Variants in GRB14 observed in about 807,000 individuals in gnomAD.
The protein encoded by GRB14 is growth factor receptor bound protein 14.
GRB14 carries 38 observed loss-of-function variants against 69.1 expected under a neutral mutation model. That is an observed-to-expected ratio of 0.55 (90% CI 0.42 to 0.72). The LOEUF (loss-of-function observed/expected upper bound fraction) is 0.72, where lower values mean the gene tolerates loss of function less well. Among genes scored for constraint, GRB14 ranks in the 30% least tolerant of loss-of-function variants. The probability of loss-of-function intolerance (pLI) is 0.00; values close to 1 mark genes in which losing one functional copy is unlikely to be tolerated. For synonymous variants in GRB14, 247 were observed against 241.3 expected (o/e 1.02, Z -0.22); for missense variants, 666 against 666.1 (o/e 1.00, Z 0.00).
intron 2 of GRB14, among the ~76,000 whole-genome samples, chr2:164,602,205 G>A (rs1689933221): frequency 6.6e-6 from 1 of 151,268 alleles, no homozygotes; most frequent in African/African-American, 2.4e-5. Flanking sequence ...GGGAGGGGAG[G>A]GGAAGGGAGA....
chr2:164,505,569 GC>G (rs1687167159), intron 8 of GRB14, among the ~76,000 whole-genome samples: 1 of 152,066 alleles, frequency 6.6e-6, no homozygotes, highest in South Asian at 2.1e-4. Flanking sequence ...ATTCAGAAAA[GC>G]CAGGCTTAGA....
intron 6 of GRB14, among the ~76,000 whole-genome samples, chr2:164,511,181 G>C (rs1057185597): frequency 5.3e-5 from 8 of 152,172 alleles, no homozygotes; most frequent in African/African-American, 1.9e-4. Context: ...GGCAGTCTAG[G>C]CTGCAAGGAC....
At chr2:164,613,113 A>C (rs908139580) in intron 2 of GRB14, among the ~76,000 whole-genome samples, 7 of 152,298 alleles carry the variant, frequency 4.6e-5, no homozygotes, top group Non-Finnish European at 1.0e-4. Context: ...ACATCAACTG[A>C]AACAACTGCC....
chr2:164,565,261 GTCTT>G (rs887436691), intron 2 of GRB14, among the ~76,000 whole-genome samples: 5 of 133,902 alleles, frequency 3.7e-5, no homozygotes, highest in Non-Finnish European at 7.9e-5. Context: ...GGTATAAACT[GTCTT>G]TCTATCACAC....
chr2:164,602,207 G>T, intron 2 of GRB14, among the ~76,000 whole-genome samples: 1 of 151,360 alleles, frequency 6.6e-6, no homozygotes, highest in Non-Finnish European at 1.5e-5. Flanking sequence ...GAGGGGAGGG[G>T]AAGGGAGATT....
chr2:164,574,452 G>T (rs756112910), intron 2 of GRB14, among the ~76,000 whole-genome samples: 3 of 151,886 alleles, frequency 2.0e-5, no homozygotes, highest in Non-Finnish European at 4.4e-5. Flanking sequence ...CGTTGGCCAG[G>T]ATGGTCTCAA....
chr2:164,508,815 T>C lies in GRB14; in HGVS notation c.854A>G (p.Asn285Ser), dbSNP rs768862669. 54 of 1,586,378 alleles carry C rather than the reference T, an allele frequency of 3.4e-5. No individual in the cohort carries two copies. Among genetic ancestry groups the C allele is most frequent in the Non-Finnish European group, 4.4e-5 (51 of 1,171,320 alleles). Residue 285 changes from asparagine (N) to serine (S), a missense_variant, in exon 7 of 14, where the codon AAT becomes AGT. By Grantham distance (46) the Asn-to-Ser change is conservative (BLOSUM62 1). Coordinates refer to ENST00000263915, the MANE Select transcript of GRB14 (RefSeq NM_004490.3). The part of the protein sequence containing the change: ...RHLQFFSEFG[N>S]SDIYVSLAGK... ...TGCCAGTGACACATAAATATCACTATTGCCAAATTCGCTGAAAAACTGCAA... is the reference window on the plus strand; with the variant it reads ...TGCCAGTGACACATAAATATCACTACTGCCAAATTCGCTGAAAAACTGCAA...
chr2:164,506,835 G>T (rs893536946), intron 8 of GRB14, among the ~76,000 whole-genome samples: 1 of 152,126 alleles, frequency 6.6e-6, no homozygotes, highest in Non-Finnish European at 1.5e-5. Context: ...TTCAATGTTG[G>T]TGAACCACAA....
At chr2:164,528,484 C>T (rs1687838830) in intron 3 of GRB14, among the ~76,000 whole-genome samples, 1 of 152,046 alleles carries the variant, frequency 6.6e-6, no homozygotes, top group African/African-American at 2.4e-5. Context: ...ACCTACAACA[C>T]CCAAACTCTT....
intron 2 of GRB14, 66 bp from the exon 3 acceptor site, chr2:164,547,882 G>C: frequency 8.7e-7 from 1 of 1,145,172 alleles, no homozygotes; most frequent in South Asian, 1.7e-5. Flanking sequence ...AAATTTTATT[G>C]TATATATTTA....
At chr2:164,580,430 C>T (rs138942823) in intron 2 of GRB14, among the ~76,000 whole-genome samples, 2,391 of 147,562 alleles carry the variant, frequency 0.016, 32 homozygotes, top group Middle Eastern at 0.048. Flanking sequence ...CTAGGCTGGG[C>T]GCGGTGGCTC....
chr2:164,530,846 C>T (rs760306428), intron 3 of GRB14, among the ~76,000 whole-genome samples: 6 of 152,088 alleles, frequency 3.9e-5, no homozygotes, highest in Non-Finnish European at 8.8e-5. Flanking sequence ...ATTTTGAACA[C>T]AGGAATAACA....
chr2:164,519,390 A>G (rs2105279789), intron 6 of GRB14, among the ~76,000 whole-genome samples: 1 of 152,268 alleles, frequency 6.6e-6, no homozygotes, highest in East Asian at 1.9e-4. Context: ...TGGCAAACCC[A>G]CAGCCAACAT....
At chr2:164,580,112 T>C (rs1431792461) in intron 2 of GRB14, among the ~76,000 whole-genome samples, 3 of 92,834 alleles carry the variant, frequency 3.2e-5, no homozygotes, top group African/African-American at 1.3e-4. Context: ...TTTTTTTTTT[T>C]GAGACAGAGT....
At chr2:164,581,692 T>C (rs1279332688) in intron 2 of GRB14, among the ~76,000 whole-genome samples, 1 of 152,194 alleles carries the variant, frequency 6.6e-6, no homozygotes, top group Non-Finnish European at 1.5e-5. Flanking sequence ...AGTCACCAAA[T>C]TTGTTGTAAT....
rs1686803776 is a variant in GRB14, at chr2:164,493,174, ATCT to A, written c.1482_1484del (p.Glu494del). 2.5e-6 allele frequency: 4 copies of A among 1,612,172 alleles called. No homozygotes were observed. The highest frequency in any genetic ancestry group is 3.4e-6 in the Non-Finnish European group (4 of 1,179,220). On this transcript the variant is annotated inframe_deletion, in exon 14 of 14. Transcript: ENST00000263915. Reference sequence around the variant, plus strand: ...CCAGTGTGTGGAACATTTCACCGTCATCTTCTACCTGCAAAAAGAAAAGCAACA... The same window carrying A: ...CCAGTGTGTGGAACATTTCACCGTCATCTACCTGCAAAAAGAAAAGCAACA...
At chr2:164,579,271 C>A (rs1195554101) in intron 2 of GRB14, among the ~76,000 whole-genome samples, 1 of 152,050 alleles carries the variant, frequency 6.6e-6, no homozygotes, top group African/African-American at 2.4e-5. Context: ...AAAAACATCA[C>A]CAAACTTCTA....
At chr2:164,603,850 A>G (rs1689985009) in intron 2 of GRB14, among the ~76,000 whole-genome samples, 1 of 152,190 alleles carries the variant, frequency 6.6e-6, no homozygotes, top group African/African-American at 2.4e-5. Flanking sequence ...AGATAATTGC[A>G]ATGTTTACAG....
chr2:164,514,934 C>T (rs1335676287), intron 6 of GRB14, among the ~76,000 whole-genome samples: 4 of 152,108 alleles, frequency 2.6e-5, no homozygotes, highest in East Asian at 3.9e-4. Context: ...CTGTAACTGC[C>T]GATTTTCCAC....
Sources: gnomAD v4.1 joint callset for allele counts (sites outside exome capture counted in the v4.1 genomes callset) on GRCh38, gnomAD v4.1.1 for gene constraint, MANE v1.5 for transcripts, NCBI Gene and HGNC (gene_info 2026-07-23, HGNC 2026-07-21) for gene names.